ANKS1B: variants seen among roughly 807,000 people sequenced by gnomAD.
ANKS1B encodes the protein ankyrin repeat and sterile alpha motif domain-containing protein 1B.
A neutral mutation model predicts 148.3 loss-of-function variants in ANKS1B; 36 were observed. That is an observed-to-expected ratio of 0.24 (90% CI 0.19 to 0.32). The LOEUF is 0.32. Ranked by LOEUF, ANKS1B falls within the 10% of genes least tolerant of loss-of-function variation. The pLI, the probability that ANKS1B is intolerant of heterozygous loss-of-function variation, is 1.00. For synonymous variants in ANKS1B, 542 were observed against 560.8 expected, an observed-to-expected ratio of 0.97 and a Z score of 0.47; for missense variants, 1,157 against 1,542.6, an observed-to-expected ratio of 0.75 and a Z score of 4.19.
rs181182549 is a variant in ANKS1B at position 99,354,041 on chromosome 12, T to C, written c.1756+45590A>G. ...CTTCTTATTGGCACACTGGGTTCTC[T>C]CCTGCTTCATGCAAGATAAAAGAAG... is the stretch of plus-strand genomic sequence containing the variant. On this transcript the variant is annotated intron_variant, in intron 12 of 26. Transcript: ENST00000683438. Among the ~76,000 whole-genome samples, 614 of 152,196 alleles carry C rather than the reference T, an allele frequency of 4.0e-3. 9 individuals are homozygous for C. The highest frequency in any genetic ancestry group is 0.014 in the African/African-American group (581 of 41,556).
chr12:99,892,164 C>T (rs11110092), intron 1 of ANKS1B, among the ~76,000 whole-genome samples: 22,564 of 151,906 alleles, frequency 0.15, 2,631 homozygotes, highest in African/African-American at 0.32. Flanking sequence ...CCACCATGCC[C>T]GGCTAATTTT....
At chr12:99,257,866 TC>T (rs914682523) in intron 12 of ANKS1B, among the ~76,000 whole-genome samples, 24 of 152,232 alleles carry the variant, frequency 1.6e-4, no homozygotes, top group African/African-American at 5.5e-4. Context: ...GGGAACAGTG[TC>T]CCAAATAGCA....
At chr12:99,134,158 T>A (rs2067099735) in intron 15 of ANKS1B, among the ~76,000 whole-genome samples, 1 of 152,172 alleles carries the variant, frequency 6.6e-6, no homozygotes, top group Non-Finnish European at 1.5e-5. Context: ...ATCTAATGAA[T>A]AAAGAAGGAA....
intron 8 of ANKS1B, among the ~76,000 whole-genome samples, chr12:99,680,534 G>A (rs2098608307): frequency 6.6e-6 from 1 of 152,196 alleles, no homozygotes; most frequent in African/African-American, 2.4e-5. Context: ...TGGGAGGGCT[G>A]CAAGTGGAAC....
At chr12:99,360,162 C>T (rs1308060012) in intron 12 of ANKS1B, among the ~76,000 whole-genome samples, 1 of 152,096 alleles carries the variant, frequency 6.6e-6, no homozygotes, top group African/African-American at 2.4e-5. Context: ...CAGCAAAATG[C>T]ATTAATTGTG....
intron 26 of ANKS1B, among the ~76,000 whole-genome samples, chr12:98,750,232 C>G (rs989216686): frequency 6.6e-6 from 1 of 151,940 alleles, no homozygotes; most frequent in South Asian, 2.1e-4. Flanking sequence ...AGCGTGGCAT[C>G]GGAAGAAAGA....
At chr12:99,136,034 A>G (rs1390910524) in intron 15 of ANKS1B, among the ~76,000 whole-genome samples, 2 of 152,218 alleles carry the variant, frequency 1.3e-5, no homozygotes, top group African/African-American at 4.8e-5. Flanking sequence ...TTAAGGATAA[A>G]GTAAAGATAG....
intron 10 of ANKS1B, among the ~76,000 whole-genome samples, chr12:99,453,434 GAAC>G (rs1354470124): frequency 6.6e-6 from 1 of 152,178 alleles, no homozygotes; most frequent in Non-Finnish European, 1.5e-5. Context: ...ACCACATTGT[GAAC>G]AACCTTATGC....
At chr12:98,984,604 TA>T (rs1209265712) in intron 17 of ANKS1B, among the ~76,000 whole-genome samples, 3 of 152,212 alleles carry the variant, frequency 2.0e-5, no homozygotes, top group Admixed American at 1.3e-4. Flanking sequence ...GGCCACTACA[TA>T]ACAAGACTCT....
intron 9 of ANKS1B, chr12:99,648,481 G>A: frequency 1.2e-6 from 2 of 1,614,104 alleles, no homozygotes; most frequent in Non-Finnish European, 1.7e-6. Context: ...GTGTGGTCCT[G>A]CCACCCAGAA....
chr12:98,757,939 T>TGTGTGTGCGTGTGTGCAC (rs2098296348), intron 25 of ANKS1B, among the ~76,000 whole-genome samples: 2 of 115,954 alleles, frequency 1.7e-5, no homozygotes, highest in African/African-American at 7.1e-5. Flanking sequence ...TGTGTGCACG[T>TGTGTGTGCGTGTGTGCAC]GTGTGTGTGT....
intron 16 of ANKS1B, among the ~76,000 whole-genome samples, chr12:99,055,930 G>A (rs1035186025): frequency 2.6e-5 from 4 of 152,154 alleles, no homozygotes; most frequent in Non-Finnish European, 5.9e-5. Flanking sequence ...GGATTGCACG[G>A]AATGCAGGCT....
At chr12:99,301,758 G>A (rs1372574309) in intron 12 of ANKS1B, among the ~76,000 whole-genome samples, 5 of 151,858 alleles carry the variant, frequency 3.3e-5, no homozygotes, top group African/African-American at 1.2e-4. Context: ...TCAGGAAATA[G>A]CAAAATTTAT....
chr12:99,809,884 G>A (rs970704889), intron 3 of ANKS1B, among the ~76,000 whole-genome samples: 4 of 151,996 alleles, frequency 2.6e-5, no homozygotes, highest in Non-Finnish European at 5.9e-5. Flanking sequence ...AAAAACCTGC[G>A]TTCAAACACT....
chr12:99,973,290 C>T (rs2095583013), intron 1 of ANKS1B, among the ~76,000 whole-genome samples: 1 of 152,238 alleles, frequency 6.6e-6, no homozygotes, highest in Non-Finnish European at 1.5e-5. Flanking sequence ...CCACTAAGAA[C>T]ATTTGCGGGC....
chr12:99,373,939 G>A (rs181223955), intron 12 of ANKS1B, among the ~76,000 whole-genome samples: 1 of 152,216 alleles, frequency 6.6e-6, no homozygotes, highest in Admixed American at 6.5e-5. Context: ...GTAAATCAAT[G>A]CATTGCTTCT....
intron 15 of ANKS1B, among the ~76,000 whole-genome samples, chr12:99,098,619 CTTT>C (rs71081896): frequency 2.9e-3 from 94 of 32,006 alleles, no homozygotes; most frequent in African/African-American, 7.0e-3. Context: ...CTAGGAACTA[CTTT>C]TTTTTTTTTT....
At chr12:98,787,254 C>T (rs2098803734) in intron 22 of ANKS1B, among the ~76,000 whole-genome samples, 1 of 152,296 alleles carries the variant, frequency 6.6e-6, no homozygotes, top group African/African-American at 2.4e-5. Flanking sequence ...TGAACTCTCA[C>T]CATTTGAAAC....
At position 98,758,525 on chromosome 12, in the gene ANKS1B, C is replaced by T. The variant is rs540973448; in HGVS notation, c.3580-7003G>A. On this transcript the variant is annotated intron_variant, in intron 25 of 26. Transcript: ENST00000683438. ...CCCAGTCTGGCTGAGAGGCAGCCTCCAGGCCGGGGGTGTACTTCGTGACTC... is the reference window on the plus strand; with the variant it reads ...CCCAGTCTGGCTGAGAGGCAGCCTCTAGGCCGGGGGTGTACTTCGTGACTC... Among the ~76,000 whole-genome samples, 4 of 152,336 alleles carry T rather than the reference C, an allele frequency of 2.6e-5. No homozygotes were observed. In the South Asian group the frequency reaches 6.2e-4, roughly 24 times the overall value.
Sources: gnomAD v4.1 joint callset for allele counts (sites outside exome capture counted in the v4.1 genomes callset) on GRCh38, gnomAD v4.1.1 for gene constraint, MANE v1.5 for transcripts, NCBI Gene and HGNC (gene_info 2026-07-23, HGNC 2026-07-21) for gene names.